Variants in CYP20A1 observed in about 807,000 individuals in gnomAD.
CYP20A1 encodes cytochrome P450 20A1.
In CYP20A1, 61 loss-of-function variants were observed where a neutral mutation model predicts 61.4. The ratio of observed to expected loss-of-function variants is 0.99; its 90% CI spans 0.81 to 1.23. CYP20A1 has a LOEUF of 1.23. Among genes scored for constraint, CYP20A1 ranks in the 50% most tolerant of loss-of-function variants. The pLI is 0.00. For missense variants in CYP20A1, 530 were observed against 542.4 expected (o/e 0.98, Z 0.23); for synonymous variants, 193 against 188.2 (o/e 1.03, Z -0.21).
rs192919035 is a variant in CYP20A1, at chr2:203,284,802, G to A, written c.851-810G>A. Among the ~76,000 whole-genome samples the A allele has an allele frequency of 5.4e-4, 77 of 143,830 alleles. 3 individuals are homozygous for A. The East Asian group carries it at 0.012, about 23-fold the overall frequency. 94.4% of individuals were successfully genotyped at this position (143,830 alleles called of 152,430 possible). On this transcript the variant is annotated intron_variant, in intron 8 of 12. Transcript: ENST00000356079. ...ACTTGATTGCCCAGGGTGGAGTGCAGTGGCACGGTCACAGCTCACTGCAGC... is the reference window on the plus strand; with the variant it reads ...ACTTGATTGCCCAGGGTGGAGTGCAATGGCACGGTCACAGCTCACTGCAGC...
At chr2:203,295,125 T>C (rs1350022175) in intron 11 of CYP20A1, among the ~76,000 whole-genome samples, 1 of 151,238 alleles carries the variant, frequency 6.6e-6, no homozygotes, top group African/African-American at 2.4e-5. Context: ...GCTAATTTTT[T>C]TTTTTGTATT....
chr2:203,285,745 T>C lies in CYP20A1; in HGVS notation c.971+13T>C. 1 of 1,550,976 alleles carries C rather than the reference T, an allele frequency of 6.4e-7. No individual in the cohort carries two copies. The highest frequency in any genetic ancestry group is 8.6e-7 in the Non-Finnish European group (1 of 1,159,830). On this transcript the variant is annotated intron_variant, in intron 9 of 12. Transcript: ENST00000356079. ...TTGAGCAGCTCAGGTAAGAACACAA[T>C]AAAAAGAGGAGATTATTAAAAGGTA...
intron 4 of CYP20A1, among the ~76,000 whole-genome samples, chr2:203,257,397 T>C (rs952710834): frequency 6.6e-6 from 1 of 152,194 alleles, no homozygotes; most frequent in Non-Finnish European, 1.5e-5. Flanking sequence ...TTATTCTTCC[T>C]AAAAATGTTC....
intron 5 of CYP20A1, among the ~76,000 whole-genome samples, chr2:203,270,713 T>C (rs2067525943): frequency 1.3e-5 from 2 of 150,762 alleles, no homozygotes; most frequent in Admixed American, 1.3e-4. Flanking sequence ...AAGGGTCTTA[T>C]ATAAATATTT....
chr2:203,280,086 C>G lies in CYP20A1; in HGVS notation c.823C>G (p.Leu275Val), dbSNP rs1390911692. Residue 275 changes from leucine to valine, a missense_variant, in exon 8 of 13, where the codon CTG becomes GTG. Leu to Val is a conservative substitution (Grantham distance 32). Coordinates refer to ENST00000356079, the MANE Select transcript of CYP20A1 (RefSeq NM_177538.3). ...QILEDSMIFSLASCIITAKLC... is the reference protein window; with the variant it reads ...QILEDSMIFSVASCIITAKLC... ...CCTAGAAGACAGTATGATATTTTCT[C>G]TGGCCAGTTGCATAATAACTGCAAA... 6 of 1,607,058 alleles carry G rather than the reference C, an allele frequency of 3.7e-6. No individual in the cohort carries two copies. Among genetic ancestry groups the G allele is most frequent in the South Asian group, 3.4e-5 (3 of 89,248 alleles).
At chr2:203,269,745 C>T (rs2067486547) in intron 5 of CYP20A1, among the ~76,000 whole-genome samples, 1 of 152,008 alleles carries the variant, frequency 6.6e-6, no homozygotes, top group Non-Finnish European at 1.5e-5. Context: ...CCACCTGCCT[C>T]GGCCTCCCAA....
intron 8 of CYP20A1, among the ~76,000 whole-genome samples, chr2:203,280,934 GC>G (rs1266665678): frequency 2.6e-5 from 4 of 152,098 alleles, no homozygotes; most frequent in Non-Finnish European, 4.4e-5. Context: ...AAAACAGTGA[GC>G]TTTTCATTTC....
chr2:203,243,660 A>G (rs1037649373), intron 1 of CYP20A1, among the ~76,000 whole-genome samples: 1 of 146,602 alleles, frequency 6.8e-6, no homozygotes, highest in African/African-American at 2.5e-5. Context: ...CTGGGATTAC[A>G]GGTATGAGCC....
At chr2:203,277,371 G>A (rs2067867659) in intron 6 of CYP20A1, among the ~76,000 whole-genome samples, 1 of 134,648 alleles carries the variant, frequency 7.4e-6, no homozygotes, top group African/African-American at 2.7e-5. Context: ...AAAAGAAAAA[G>A]TGTTTCTTGG....
At chr2:203,294,859 T>G (rs2068708733) in intron 11 of CYP20A1, among the ~76,000 whole-genome samples, 1 of 151,542 alleles carries the variant, frequency 6.6e-6, no homozygotes, top group Non-Finnish European at 1.5e-5. Flanking sequence ...GGTCTCAATC[T>G]TTTGACCTCG....
intron 1 of CYP20A1, among the ~76,000 whole-genome samples, chr2:203,240,959 G>A (rs966409930): frequency 2.6e-5 from 4 of 152,134 alleles, no homozygotes; most frequent in Non-Finnish European, 2.9e-5. Context: ...ATTGACATGG[G>A]TCTCCAGGTA....
intron 4 of CYP20A1, among the ~76,000 whole-genome samples, chr2:203,257,203 A>C (rs116814900): frequency 0.017 from 2,637 of 151,700 alleles, 33 homozygotes; most frequent in Middle Eastern, 0.044. Flanking sequence ...CTGTGGTCCC[A>C]GCTAATCGAG....
At chr2:203,287,628 C>T (rs1443007311) in intron 9 of CYP20A1, among the ~76,000 whole-genome samples, 1 of 152,056 alleles carries the variant, frequency 6.6e-6, no homozygotes, top group African/African-American at 2.4e-5. Flanking sequence ...ATCACTTGGG[C>T]CTGGGAGGTT....
At position 203,251,988 on chromosome 2, in the gene CYP20A1, T is replaced by C; in HGVS notation, c.311T>C (p.Leu104Pro). 1 of 1,603,238 alleles carries C rather than the reference T, an allele frequency of 6.2e-7. No individual in the cohort carries two copies. The highest frequency in any genetic ancestry group is 8.5e-7 in the Non-Finnish European group (1 of 1,174,208). The part of the protein sequence containing the change: ...NKTSDPFETM[L>P]KSLLRYQSGG... ...TCAGCGGACCCTTTTGAAACCATGC[T>C]GAAGTCATTATTAAGGTATCAATCT... The change falls in exon 4 of 13, where the codon CTG becomes CCG. Residue 104 changes from leucine to proline, a missense_variant. Physicochemically the swap from Leu to Pro is moderately conservative, Grantham distance 98. Coordinates refer to ENST00000356079, the MANE Select transcript of CYP20A1 (RefSeq NM_177538.3).
chr2:203,243,158 G>T (rs551461585), intron 1 of CYP20A1, among the ~76,000 whole-genome samples: 1 of 152,020 alleles, frequency 6.6e-6, no homozygotes, highest in African/African-American at 2.4e-5. Context: ...GTTTTTTTGA[G>T]ACGGAGTCTT....
chr2:203,296,602 G>A, intron 12 of CYP20A1, 39 bp downstream of exon 12: 2 of 1,511,386 alleles, frequency 1.3e-6, no homozygotes, highest in Non-Finnish European at 1.8e-6. Context: ...TTAGAATTTT[G>A]ATGATCACTG....
Position 203,301,707 on chromosome 2 carries a change from G to C in CYP20A1, c.*4799G>C, listed in dbSNP as rs2069028468. 6.6e-6 allele frequency among the ~76,000 whole-genome samples: 1 copy of C among 152,072 alleles called. No homozygotes were observed. The highest frequency in any genetic ancestry group is 2.1e-4 in the South Asian group (1 of 4,832). ...TGCTTATTTGGCCCACAAAAGTACA[G>C]TTCCATTTTTTATATAAATAGATTC... On this transcript the variant is annotated 3_prime_UTR_variant, in exon 13 of 13. Transcript: ENST00000356079.
chr2:203,249,246 A>G (rs2066572042), intron 3 of CYP20A1, among the ~76,000 whole-genome samples: 2 of 152,214 alleles, frequency 1.3e-5, no homozygotes, highest in Non-Finnish European at 2.9e-5. Context: ...TGGATGCGGT[A>G]GCACATAGCT....
intron 11 of CYP20A1, among the ~76,000 whole-genome samples, chr2:203,295,955 GAAAA>G (rs1338738037): frequency 4.7e-5 from 7 of 148,600 alleles, no homozygotes; most frequent in Non-Finnish European, 1.0e-4. Flanking sequence ...CTCAAAAAAA[GAAAA>G]AAAAAGAGAA....
Sources: allele counts gnomAD v4.1 joint callset (sites outside exome capture counted in the v4.1 genomes callset), GRCh38; gene constraint gnomAD v4.1.1; transcripts MANE v1.5; gene names NCBI Gene and HGNC (gene_info 2026-07-23, HGNC 2026-07-21).